Variants in PCTP observed in about 807,000 individuals in gnomAD.
PCTP encodes START domain-containing protein 2.
Under a neutral mutation model 31.0 loss-of-function variants are expected in PCTP, and 27 were observed. That is an observed-to-expected ratio of 0.87 (90% CI 0.64 to 1.20). The LOEUF is 1.20. Ranked by LOEUF, PCTP falls within the 50% of genes most tolerant of loss-of-function variation. The pLI is 0.00. For missense variants in PCTP, 287 were observed against 268.2 expected, an observed-to-expected ratio of 1.07 and a Z score of -0.49; for synonymous variants, 108 against 101.2, an observed-to-expected ratio of 1.07 and a Z score of -0.40.
At chr17:55,843,283 T>C (rs1354113626), downstream of PCTP, among the ~76,000 whole-genome samples, 1 of 152,198 alleles carries the variant, frequency 6.6e-6, no homozygotes, top group African/African-American at 2.4e-5. Flanking sequence ...TGTTTTCTGA[T>C]TATGTTTAAG....
downstream of PCTP, among the ~76,000 whole-genome samples, chr17:55,780,098 T>G (rs528994904): frequency 2.0e-5 from 3 of 152,228 alleles, no homozygotes; most frequent in South Asian, 6.2e-4. Flanking sequence ...AACTTTTTTT[T>G]TTTTTTTTGC....
At chr17:55,849,631 A>G in the PCTP span, among the ~76,000 whole-genome samples, 1 of 152,178 alleles carries the variant, frequency 6.6e-6, no homozygotes, top group Non-Finnish European at 1.5e-5. Context: ...CTCAAAATTA[A>G]ATAAATAAAT....
At position 55,777,032 on chromosome 17, in the gene PCTP, G is replaced by A; in HGVS notation, c.*932G>A. The A allele has an allele frequency of 1.0e-6, 1 of 985,768 alleles. No individual in the cohort carries two copies. The highest frequency in any genetic ancestry group is 1.2e-6 in the Non-Finnish European group (1 of 829,926). The allele number at this position is 985,768 out of a possible 1,614,324, so 61.1% of individuals were successfully genotyped here. A position where few individuals can be genotyped will look rare whatever the true frequency, so the allele number is the denominator to read the frequency against. The stretch of plus-strand genomic sequence containing the variant: ...AATGTAGAAGGGATAACAGTTCACA[G>A]CCAGGTAAAATTTAACTGGTGGCTT... On this transcript the variant is annotated 3_prime_UTR_variant, in exon 6 of 6. Coordinates refer to ENST00000268896, the MANE Select transcript of PCTP (RefSeq NM_021213.4).
At position 55,751,540 on chromosome 17, in the gene PCTP, C is replaced by T. The variant is rs77407795; in HGVS notation, c.141+296C>T. On this transcript the variant is annotated intron_variant, in intron 1 of 5. Transcript: ENST00000268896. ...CAGTTGAAACGTGGGTCAGCTGGTTCCTAGGCCCGTGCACACGTCTGCAAG... is the reference window on the plus strand; with the variant it reads ...CAGTTGAAACGTGGGTCAGCTGGTTTCTAGGCCCGTGCACACGTCTGCAAG... 13,670 of 1,452,300 alleles carry T rather than the reference C, an allele frequency of 9.4e-3. 612 individuals carry two copies. The African/African-American group carries it at 0.12, about 12-fold the overall frequency. The allele number at this position is 1,452,300 out of a possible 1,614,324, so 90.0% of individuals were successfully genotyped here. A position where few individuals can be genotyped will look rare whatever the true frequency, so the allele number is the denominator to read the frequency against.
downstream of PCTP, among the ~76,000 whole-genome samples, chr17:55,846,559 T>C (rs1906155538): frequency 6.6e-6 from 1 of 152,040 alleles, no homozygotes; most frequent in Admixed American, 6.6e-5. Context: ...GAAGGACAGG[T>C]GGAAGGTGGC....
chr17:55,823,914 C>T (rs1157219699), downstream of PCTP, among the ~76,000 whole-genome samples: 1 of 152,182 alleles, frequency 6.6e-6, no homozygotes, highest in East Asian at 1.9e-4. Context: ...CTGCATAACT[C>T]CCTATTGCAG....
chr17:55,803,967 TG>T (rs1419580223), intron 3 of PCTP, among the ~76,000 whole-genome samples: 2 of 150,152 alleles, frequency 1.3e-5, no homozygotes, highest in Non-Finnish European at 3.0e-5. Flanking sequence ...TCTACCCATC[TG>T]ACAAAGGTCT....
At chr17:55,790,340 A>T (rs1911912270) in intron 3 of PCTP, among the ~76,000 whole-genome samples, 2 of 152,156 alleles carry the variant, frequency 1.3e-5, no homozygotes. Flanking sequence ...AGGGTATTCA[A>T]TTAGGAAAAG....
At chr17:55,775,729 C>T in intron 5 of PCTP, 1 of 1,249,850 alleles carries the variant, frequency 8.0e-7, no homozygotes, top group East Asian at 3.3e-5. Context: ...AACAATCCAG[C>T]CCAAGCCCAT....
intron 1 of PCTP, among the ~76,000 whole-genome samples, chr17:55,754,492 C>G (rs1027456177): frequency 6.6e-6 from 1 of 152,190 alleles, no homozygotes; most frequent in Non-Finnish European, 1.5e-5. Context: ...TCTATGAGTT[C>G]AGCTATCCAG....
chr17:55,775,647 G>C, intron 5 of PCTP: 1 of 1,200,024 alleles, frequency 8.3e-7, no homozygotes, highest in Non-Finnish European at 1.0e-6. Flanking sequence ...AATATATCCT[G>C]CTCCTTGATC....
intron 3 of PCTP, among the ~76,000 whole-genome samples, chr17:55,801,120 G>A (rs1355036595): frequency 1.3e-5 from 2 of 152,030 alleles, no homozygotes; most frequent in Non-Finnish European, 2.9e-5. Context: ...CCTACTTGAT[G>A]CATTACATAA....
rs377572022 is a variant in PCTP at position 55,761,305 on chromosome 17, G to A, written c.142-6030G>A. ...GTATTATTGAAAGAATTTGTAGCAG[G>A]TCAAAGGGATTAGAAAACTCCTTCA... On this transcript the variant is annotated intron_variant, in intron 1 of 5. Coordinates refer to ENST00000268896, the MANE Select transcript of PCTP (RefSeq NM_021213.4). Among the ~76,000 whole-genome samples the A allele has an allele frequency of 1.4e-4, 21 of 152,084 alleles. 2 individuals carry two copies. Among genetic ancestry groups the A allele is most frequent in the Admixed American group, 9.2e-4 (14 of 15,252 alleles).
At chr17:55,809,772 C>T (rs989086029) in intron 3 of PCTP, among the ~76,000 whole-genome samples, 5 of 152,110 alleles carry the variant, frequency 3.3e-5, no homozygotes, top group South Asian at 2.1e-4. Flanking sequence ...TCGCCCGCCT[C>T]GGCGTCCCAA....
At chr17:55,767,497 T>A in intron 2 of PCTP, 45 bp downstream of exon 2, 1 of 1,341,104 alleles carries the variant, frequency 7.5e-7, no homozygotes, top group Non-Finnish European at 1.1e-6. Flanking sequence ...GTACTTTCAC[T>A]TTTGTAGCCC....
downstream of PCTP, among the ~76,000 whole-genome samples, chr17:55,843,434 C>T (rs1313840079): frequency 6.6e-6 from 1 of 152,158 alleles, no homozygotes; most frequent in Non-Finnish European, 1.5e-5. Flanking sequence ...GTGCCACTGT[C>T]CCACAGGCAT....
chr17:55,787,818 A>G (rs892024023), intron 3 of PCTP, among the ~76,000 whole-genome samples: 7 of 152,204 alleles, frequency 4.6e-5, no homozygotes, highest in African/African-American at 1.7e-4. Context: ...CAGTCTAAAC[A>G]TCCTCAGTTC....
intron 3 of PCTP, among the ~76,000 whole-genome samples, chr17:55,821,011 G>C (rs775338628): frequency 6.6e-6 from 1 of 152,168 alleles, no homozygotes. Flanking sequence ...TGTTCAAAAG[G>C]TTAACATTTG....
At chr17:55,826,171 T>C (rs1022396803), downstream of PCTP, among the ~76,000 whole-genome samples, 5 of 152,204 alleles carry the variant, frequency 3.3e-5, no homozygotes, top group African/African-American at 1.2e-4. Flanking sequence ...TGGTAGGATG[T>C]TGGAGAGGAA....
Sources: allele counts gnomAD v4.1 joint callset (sites outside exome capture counted in the v4.1 genomes callset), GRCh38; gene constraint gnomAD v4.1.1; transcripts MANE v1.5; gene names NCBI Gene and HGNC (gene_info 2026-07-23, HGNC 2026-07-21).